AXDND1: variants seen among roughly 807,000 people sequenced by gnomAD.
AXDND1 encodes axonemal dynein light chain domain containing 1.
Under a neutral mutation model 137.5 loss-of-function variants are expected in AXDND1, and 110 were observed. That is an observed-to-expected ratio of 0.80 (90% CI 0.69 to 0.94). The LOEUF is 0.94. AXDND1 is among the 40% of genes least tolerant of loss of function. The probability of loss-of-function intolerance (pLI) is 0.00; values close to 1 mark genes in which losing one functional copy is unlikely to be tolerated. For synonymous variants in AXDND1, 414 were observed against 399.7 expected (o/e 1.04, Z -0.43); for missense variants, 1,191 against 1,169.8 (o/e 1.02, Z -0.26).
In AXDND1 at chr1:179,424,124, A is replaced by G. The variant is rs1022700131; in HGVS notation, c.1231-5394A>G. On this transcript the variant is annotated intron_variant, in intron 12 of 25. Coordinates refer to ENST00000367618, the MANE Select transcript of AXDND1 (RefSeq NM_144696.6). ...ACTTTGCTGGATATAGTACTCTTGG[A>G]TAGCAGGGTTTTGTTCGTTTGTTTG... Among the ~76,000 whole-genome samples the G allele has an allele frequency of 2.0e-5, 3 of 147,480 alleles. No individual in the cohort carries two copies. In the South Asian group the frequency reaches 6.4e-4, roughly 31 times the overall value.
rs1033376424 is a variant in AXDND1 at position 179,378,561 on chromosome 1, G to A, written c.375-76G>A. 6.0e-6 allele frequency: 7 copies of A among 1,168,776 alleles called. No homozygotes were observed. In the African/African-American group the frequency reaches 1.1e-4, roughly 18 times the overall value. 72.4% of individuals were successfully genotyped at this position (1,168,776 alleles called of 1,614,324 possible). On this transcript the variant is annotated intron_variant, in intron 4 of 25. Coordinates refer to ENST00000367618, the MANE Select transcript of AXDND1 (RefSeq NM_144696.6). ...ACCATCTTACCCATTAGAAGGATAT[G>A]TGTGGATCTCACCTGCTGTTATGTG... is the stretch of plus-strand genomic sequence containing the variant.
chr1:179,528,637 A>G (rs1346352718), intron 23 of AXDND1, among the ~76,000 whole-genome samples: 1 of 116,456 alleles, frequency 8.6e-6, no homozygotes, highest in African/African-American at 3.0e-5. Flanking sequence ...TCATCTTTAA[A>G]CCTCTTTTTT....
In AXDND1 at chr1:179,500,296, ATATG is replaced by A. The variant is rs200228433; in HGVS notation, c.2388+7349_2388+7352del. Among the ~76,000 whole-genome samples, 504 of 151,490 alleles carry A rather than the reference ATATG, an allele frequency of 3.3e-3. 6 individuals carry two copies. Among genetic ancestry groups the A allele is most frequent in the African/African-American group, 0.011 (469 of 41,242 alleles). ...CAATTGATAAAAAATTAATGGCTAT[ATATG>A]TATATATATATATAGCCATTAATTG... On this transcript the variant is annotated intron_variant, in intron 20 of 25. Coordinates refer to ENST00000367618, the MANE Select transcript of AXDND1 (RefSeq NM_144696.6).
At chr1:179,515,583 G>T (rs917772801) in intron 21 of AXDND1, among the ~76,000 whole-genome samples, 2 of 152,096 alleles carry the variant, frequency 1.3e-5, no homozygotes, top group African/African-American at 4.8e-5. Context: ...AATTTCCCAG[G>T]TGTTCTTTGT....
intron 3 of AXDND1, 45 bp from the exon 4 acceptor site, chr1:179,369,930 A>G (rs749364050): frequency 3.5e-6 from 5 of 1,415,922 alleles, no homozygotes; most frequent in Non-Finnish European, 4.0e-6. Flanking sequence ...TTATTTGATT[A>G]GATCGCCCTC....
At chr1:179,379,505 A>C in intron 6 of AXDND1, 23 bp downstream of exon 6, 1 of 1,595,744 alleles carries the variant, frequency 6.3e-7, no homozygotes, top group Non-Finnish European at 8.5e-7. Context: ...ATATGTAAAA[A>C]ATACCTGCCC....
At chr1:179,468,324 T>C in intron 16 of AXDND1, 119 bp from the exon 17 acceptor site, 1 of 685,644 alleles carries the variant, frequency 1.5e-6, no homozygotes, top group South Asian at 2.1e-5. Context: ...AGTCAAGCTG[T>C]AGGATAATAA....
At position 179,534,802 on chromosome 1, in the gene AXDND1, TATAAAAA is replaced by T. The variant is rs763318454; in HGVS notation, c.2877_2883del (p.Asn960IlefsTer2). 4 of 1,606,474 alleles carry T rather than the reference TATAAAAA, an allele frequency of 2.5e-6. No individual in the cohort carries two copies. The South Asian group carries it at 4.5e-5, about 18-fold the overall frequency. ...CATATGAGAAACTTCATCATACCCT[TATAAAAA>T]ATAAAGATCTAGAGGAATTAGTCAT... On this transcript the variant is annotated frameshift_variant, in exon 25 of 26. Transcript: ENST00000367618. LOFTEE classifies it high-confidence loss of function.
intron 17 of AXDND1, among the ~76,000 whole-genome samples, chr1:179,473,545 A>T (rs1031335780): frequency 6.6e-6 from 1 of 152,168 alleles, no homozygotes; most frequent in Admixed American, 6.5e-5. Context: ...AATTCTAGTG[A>T]CATATAGATA....
At chr1:179,531,101 T>C (rs1022967870) in intron 23 of AXDND1, among the ~76,000 whole-genome samples, 22 of 152,116 alleles carry the variant, frequency 1.4e-4, no homozygotes, top group African/African-American at 5.1e-4. Context: ...TCATGGGGTA[T>C]GGAAAATGGT....
At chr1:179,532,300 T>TAACCA (rs1671110141) in intron 23 of AXDND1, among the ~76,000 whole-genome samples, 1 of 152,184 alleles carries the variant, frequency 6.6e-6, no homozygotes, top group African/African-American at 2.4e-5. Flanking sequence ...CAGGTAGTAG[T>TAACCA]GGACAATCCT....
At chr1:179,419,949 C>G (rs979105297) in intron 12 of AXDND1, among the ~76,000 whole-genome samples, 3 of 152,070 alleles carry the variant, frequency 2.0e-5, no homozygotes, top group Non-Finnish European at 4.4e-5. Flanking sequence ...ATTTCTTTCT[C>G]TTGCCTAATT....
chr1:179,424,886 T>G (rs989372190), intron 12 of AXDND1, among the ~76,000 whole-genome samples: 1 of 152,180 alleles, frequency 6.6e-6, no homozygotes, highest in Admixed American at 6.5e-5. Flanking sequence ...TTCCAGTAAT[T>G]TTATTTTTTT....
At chr1:179,540,105 A>G (rs1226815689) in intron 25 of AXDND1, among the ~76,000 whole-genome samples, 3 of 151,646 alleles carry the variant, frequency 2.0e-5, no homozygotes, top group Admixed American at 1.3e-4. Flanking sequence ...ATCTTTTTTC[A>G]AGGTTTTTAG....
intron 25 of AXDND1, among the ~76,000 whole-genome samples, chr1:179,536,560 C>T (rs1271337095): frequency 5.3e-5 from 8 of 151,582 alleles, no homozygotes; most frequent in Middle Eastern, 3.4e-3. Flanking sequence ...TGTTCTGTTC[C>T]GTTGGTCTAT....
intron 20 of AXDND1, among the ~76,000 whole-genome samples, chr1:179,494,908 T>A (rs1412968403): frequency 6.6e-6 from 1 of 152,188 alleles, no homozygotes; most frequent in East Asian, 1.9e-4. Context: ...TGGATTCAAG[T>A]TCATTTTGTG....
At chr1:179,490,024 G>A (rs537917984) in intron 18 of AXDND1, among the ~76,000 whole-genome samples, 2 of 152,262 alleles carry the variant, frequency 1.3e-5, no homozygotes, top group African/African-American at 4.8e-5. Flanking sequence ...GATTACAGGC[G>A]TGAGCCACCG....
At chr1:179,490,724 T>G (rs1046802113) in intron 18 of AXDND1, among the ~76,000 whole-genome samples, 3 of 151,980 alleles carry the variant, frequency 2.0e-5, no homozygotes, top group African/African-American at 7.2e-5. Context: ...CGTTACCACC[T>G]TCATTTCCTG....
intron 4 of AXDND1, among the ~76,000 whole-genome samples, chr1:179,374,060 A>C (rs886650627): frequency 3.3e-5 from 5 of 152,322 alleles, no homozygotes; most frequent in African/African-American, 1.2e-4. Flanking sequence ...AATGGGAGAA[A>C]ATTTTTGCAA....
Sources: gnomAD v4.1 joint callset for allele counts (sites outside exome capture counted in the v4.1 genomes callset) on GRCh38, gnomAD v4.1.1 for gene constraint, MANE v1.5 for transcripts, NCBI Gene and HGNC (gene_info 2026-07-23, HGNC 2026-07-21) for gene names.